The following EBF1 variants were observed in gnomAD, a reference collection of about 807,000 sequenced individuals.
EBF1 encodes the protein transcription factor COE1.
EBF1 carries 10 observed loss-of-function variants against 68.4 expected under a neutral mutation model. That is an observed-to-expected ratio of 0.15 (90% CI 0.09 to 0.25). The LOEUF (loss-of-function observed/expected upper bound fraction) is 0.25, where lower values mean the gene tolerates loss of function less well. Ranked by LOEUF, EBF1 falls within the 10% of genes least tolerant of loss-of-function variation. The probability of loss-of-function intolerance (pLI) is 1.00; values close to 1 mark genes in which losing one functional copy is unlikely to be tolerated. For missense variants in EBF1, 509 were observed against 794.4 expected, an observed-to-expected ratio of 0.64 and a Z score of 4.32; for synonymous variants, 298 against 299.8, an observed-to-expected ratio of 0.99 and a Z score of 0.06.
intron 7 of EBF1, among the ~76,000 whole-genome samples, chr5:158,835,519 C>T (rs953653873): frequency 2.0e-5 from 3 of 152,160 alleles, no homozygotes; most frequent in Non-Finnish European, 2.9e-5. Context: ...ATGCAGATGG[C>T]ACCTTTAGGC....
At chr5:158,999,491 C>A (rs1384981615) in intron 6 of EBF1, among the ~76,000 whole-genome samples, 3 of 152,190 alleles carry the variant, frequency 2.0e-5, no homozygotes, top group Admixed American at 1.3e-4. Flanking sequence ...AGAAAGCTTT[C>A]CAAGCATTTG....
chr5:158,795,126 G>A (rs1231061252), intron 9 of EBF1, among the ~76,000 whole-genome samples: 1 of 152,196 alleles, frequency 6.6e-6, no homozygotes, highest in Non-Finnish European at 1.5e-5. Context: ...AACAGCGTCT[G>A]TTCTGGAAAG....
At chr5:159,092,309 C>T (rs1448745634) in intron 4 of EBF1, among the ~76,000 whole-genome samples, 1 of 152,156 alleles carries the variant, frequency 6.6e-6, no homozygotes, top group Non-Finnish European at 1.5e-5. Context: ...TTTGAACAAC[C>T]CTTCCCAAAA....
rs1581105786 is a variant in EBF1, at chr5:158,696,264, G to C, written c.*2847C>G. The stretch of plus-strand genomic sequence containing the variant: ...TTAAAGCCATATTCTGTATTTAGGG[G>C]AACATCTTTTATTTGTAAAACTTTT... On this transcript the variant is annotated 3_prime_UTR_variant, in exon 16 of 16. Transcript: ENST00000313708. 1 of 219,514 alleles carries C rather than the reference G, an allele frequency of 4.6e-6. No individual in the cohort carries two copies. The highest frequency in any genetic ancestry group is 5.8e-5 in the Admixed American group (1 of 17,342). The allele number at this position is 219,514 out of a possible 1,614,324, so 13.6% of individuals were successfully genotyped here.
intron 4 of EBF1, 29 bp from the exon 5 acceptor site, chr5:159,084,768 G>T: frequency 2.0e-6 from 3 of 1,502,336 alleles, no homozygotes; most frequent in Non-Finnish European, 1.8e-6. Flanking sequence ...TTTTAGCTAA[G>T]AATGGAAAGG....
At chr5:158,842,461 G>C (rs1304968615) in intron 6 of EBF1, among the ~76,000 whole-genome samples, 1 of 152,216 alleles carries the variant, frequency 6.6e-6, no homozygotes, top group East Asian at 1.9e-4. Flanking sequence ...CTGACAACAA[G>C]AGTGGGTGTG....
At chr5:158,954,855 T>C (rs1816743480) in intron 6 of EBF1, among the ~76,000 whole-genome samples, 1 of 152,230 alleles carries the variant, frequency 6.6e-6, no homozygotes, top group African/African-American at 2.4e-5. Context: ...TGTGAATTCA[T>C]TTCTCATACC....
chr5:158,895,890 G>T (rs1802085629), intron 6 of EBF1, among the ~76,000 whole-genome samples: 1 of 152,128 alleles, frequency 6.6e-6, no homozygotes, highest in African/African-American at 2.4e-5. Flanking sequence ...TGGAACTATT[G>T]ACATATACAA....
chr5:158,859,213 T>C (rs1165455963), intron 6 of EBF1, among the ~76,000 whole-genome samples: 2 of 152,204 alleles, frequency 1.3e-5, no homozygotes, highest in Non-Finnish European at 2.9e-5. Flanking sequence ...AGAATCACTT[T>C]GTGGACTTCA....
chr5:158,943,603 A>G (rs1395723194), intron 6 of EBF1, among the ~76,000 whole-genome samples: 1 of 152,194 alleles, frequency 6.6e-6, no homozygotes, highest in Non-Finnish European at 1.5e-5. Context: ...AACTTCCAGA[A>G]TCATTCTGGG....
intron 5 of EBF1, among the ~76,000 whole-genome samples, chr5:159,079,393 C>G (rs988657028): frequency 2.6e-5 from 4 of 152,172 alleles, no homozygotes; most frequent in African/African-American, 9.7e-5. Context: ...GAGTTAGTTT[C>G]TTCACTGCCG....
intron 10 of EBF1, among the ~76,000 whole-genome samples, chr5:158,747,097 C>CA (rs921460750): frequency 6.6e-6 from 1 of 152,112 alleles, no homozygotes; most frequent in Non-Finnish European, 1.5e-5. Flanking sequence ...TTTATTACTG[C>CA]AAAAATCTTC....
chr5:159,078,831 AT>A (rs779264206), intron 5 of EBF1, among the ~76,000 whole-genome samples: 5 of 152,198 alleles, frequency 3.3e-5, no homozygotes, highest in African/African-American at 4.8e-5. Flanking sequence ...AAGCGAACTT[AT>A]GAGTCTCTTT....
intron 6 of EBF1, among the ~76,000 whole-genome samples, chr5:158,977,525 T>TA (rs917021913): frequency 6.6e-6 from 1 of 152,198 alleles, no homozygotes; most frequent in African/African-American, 2.4e-5. Flanking sequence ...CTCTGAGAAT[T>TA]AAAAATATAC....
At chr5:158,970,084 C>G (rs144850304) in intron 6 of EBF1, among the ~76,000 whole-genome samples, 1 of 152,274 alleles carries the variant, frequency 6.6e-6, no homozygotes, top group African/African-American at 2.4e-5. Context: ...TCACCTAACA[C>G]TGAGACTTTT....
chr5:158,888,005 C>T (rs1258831025), intron 6 of EBF1, among the ~76,000 whole-genome samples: 1 of 152,098 alleles, frequency 6.6e-6, no homozygotes, highest in Non-Finnish European at 1.5e-5. Flanking sequence ...CCAGGGCAAA[C>T]AGGAGAAAGG....
chr5:158,949,166 A>G (rs950600794), intron 6 of EBF1, among the ~76,000 whole-genome samples: 61 of 152,324 alleles, frequency 4.0e-4, no homozygotes, highest in African/African-American at 1.4e-3. Context: ...ACAATTCTAT[A>G]TAATTCCCCA....
intron 6 of EBF1, among the ~76,000 whole-genome samples, chr5:158,878,453 C>T (rs1470585071): frequency 6.6e-6 from 1 of 152,168 alleles, no homozygotes; most frequent in African/African-American, 2.4e-5. Flanking sequence ...TTTACTGAAT[C>T]CTTATTGTGG....
At chr5:158,747,012 T>C (rs1333407210) in intron 10 of EBF1, among the ~76,000 whole-genome samples, 1 of 152,206 alleles carries the variant, frequency 6.6e-6, no homozygotes, top group African/African-American at 2.4e-5. Context: ...CTTCTAACTC[T>C]AGATTTAACA....
Sources: allele counts gnomAD v4.1 joint callset (sites outside exome capture counted in the v4.1 genomes callset), GRCh38; gene constraint gnomAD v4.1.1; transcripts MANE v1.5; gene names NCBI Gene and HGNC (gene_info 2026-07-23, HGNC 2026-07-21).